Variants in SLC6A16 observed in about 807,000 individuals in gnomAD.
SLC6A16 encodes the protein solute carrier family 6 member 16, also known as orphan sodium- and chloride-dependent neurotransmitter transporter NTT5.
SLC6A16 carries 54 observed loss-of-function variants against 65.4 expected under a neutral mutation model. The observed-to-expected ratio is 0.83, with a 90% CI of 0.66 to 1.04. The LOEUF is 1.04. Among genes scored for constraint, SLC6A16 ranks in the 50% least tolerant of loss-of-function variants. The pLI is 0.00. For missense variants in SLC6A16, 816 were observed against 914.0 expected (o/e 0.89, Z 1.38); for synonymous variants, 330 against 346.5 (o/e 0.95, Z 0.53).
intron 1 of SLC6A16, among the ~76,000 whole-genome samples, chr19:49,313,053 A>G: frequency 7.4e-6 from 1 of 134,864 alleles, no homozygotes; most frequent in Admixed American, 7.9e-5. Context: ...ACTGCACTCC[A>G]GCCTGGGCAA....
At chr19:49,311,615 G>A (rs1332100906) in intron 1 of SLC6A16, among the ~76,000 whole-genome samples, 3 of 151,970 alleles carry the variant, frequency 2.0e-5, no homozygotes, top group Non-Finnish European at 4.4e-5. Context: ...TTGGGAGGCC[G>A]AGGAAGATGG....
intron 10 of SLC6A16, among the ~76,000 whole-genome samples, chr19:49,291,860 C>A (rs1970085227): frequency 6.6e-6 from 1 of 152,134 alleles, no homozygotes; most frequent in Non-Finnish European, 1.5e-5. Context: ...CCTTCCCCAA[C>A]TCTCCAGTCT....
At chr19:49,340,161 C>T in the SLC6A16 span, 1 of 1,516,024 alleles carries the variant, frequency 6.6e-7, no homozygotes. Flanking sequence ...ATTCACGGCC[C>T]CACCCCTGAC....
chr19:49,319,513 G>A (rs921212260), intron 1 of SLC6A16, among the ~76,000 whole-genome samples: 88 of 150,010 alleles, frequency 5.9e-4, no homozygotes, highest in Non-Finnish European at 1.1e-3. Context: ...GTGTATATGT[G>A]TATATGTATA....
chr19:49,329,178 C>T (rs975636772), upstream of SLC6A16, among the ~76,000 whole-genome samples: 13 of 151,766 alleles, frequency 8.6e-5, no homozygotes, highest in Admixed American at 1.3e-4. Flanking sequence ...CCACAACCTC[C>T]GCCTCCCAGG....
In SLC6A16 at chr19:49,290,224, G is replaced by A; in HGVS notation, c.2110C>T (p.Pro704Ser). Residue 704 changes from proline (P) to serine (S), a missense_variant, in exon 12 of 12, where the codon CCC (proline) becomes TCC (serine). Transcript: ENST00000335875. ...CTGGGTGTTAGCTGGTGACTTAGGG[G>A]TAGGGATGTGGAGGCTGTCATAGGC... ...DGPMTASTSL[P>S]LSHQLTPSKE... 1.2e-6 allele frequency: 2 copies of A among 1,614,172 alleles called. No homozygotes were observed. Among genetic ancestry groups the A allele is most frequent in the Non-Finnish European group, 1.7e-6 (2 of 1,180,028 alleles).
At chr19:49,295,085 C>G (rs780264677) in intron 7 of SLC6A16, among the ~76,000 whole-genome samples, 1 of 152,102 alleles carries the variant, frequency 6.6e-6, no homozygotes, top group Non-Finnish European at 1.5e-5. Flanking sequence ...CAGGGCCCAT[C>G]ATACCCCATC....
At chr19:49,296,342 G>A (rs1970185786) in intron 7 of SLC6A16, among the ~76,000 whole-genome samples, 1 of 152,064 alleles carries the variant, frequency 6.6e-6, no homozygotes, top group Non-Finnish European at 1.5e-5. Context: ...TAGTCAAAAC[G>A]ATTTTGGAAA....
At chr19:49,308,270 G>C (rs1380667224) in intron 7 of SLC6A16, among the ~76,000 whole-genome samples, 1 of 152,090 alleles carries the variant, frequency 6.6e-6, no homozygotes, top group African/African-American at 2.4e-5. Flanking sequence ...GGCTAACATG[G>C]TGAAACCCTG....
intron 1 of SLC6A16, chr19:49,312,536 C>T (rs1308581013): frequency 1.0e-6 from 1 of 984,452 alleles, no homozygotes; most frequent in Admixed American, 6.2e-5. Flanking sequence ...CTATTCTCCT[C>T]CTTATTCTCC....
chr19:49,294,712 G>A (rs1970152676), intron 7 of SLC6A16, among the ~76,000 whole-genome samples, 159 bp from the exon 8 acceptor site: 1 of 152,122 alleles, frequency 6.6e-6, no homozygotes, highest in African/African-American at 2.4e-5. Flanking sequence ...CCCGCCTTCA[G>A]GGACGTGAAT....
chr19:49,320,323 G>T (rs952176005), intron 1 of SLC6A16, among the ~76,000 whole-genome samples: 1 of 151,510 alleles, frequency 6.6e-6, no homozygotes, highest in South Asian at 2.1e-4. Flanking sequence ...CAGGAGAATC[G>T]CTTGAACCTA....
intron 1 of SLC6A16, chr19:49,312,513 C>G (rs1970541577): frequency 1.0e-6 from 1 of 976,194 alleles, no homozygotes; most frequent in South Asian, 4.7e-5. Flanking sequence ...GGTGTTCTAC[C>G]TCACATCTAG....
At chr19:49,294,626 A>G in intron 7 of SLC6A16, 73 bp from the exon 8 acceptor site, 1 of 1,318,466 alleles carries the variant, frequency 7.6e-7, no homozygotes, top group East Asian at 2.4e-5. Context: ...CCTTATCTTC[A>G]AGATAAAAAA....
chr19:49,296,693 A>G (rs562168126), intron 7 of SLC6A16, among the ~76,000 whole-genome samples: 48 of 152,300 alleles, frequency 3.2e-4, no homozygotes, highest in Non-Finnish European at 4.4e-4. Flanking sequence ...CAGGAGAAAA[A>G]TCTTTGCAAT....
At chr19:49,338,611 A>G in the SLC6A16 span, 40 of 944,446 alleles carry the variant, frequency 4.2e-5, no homozygotes, top group Non-Finnish European at 5.6e-5. The surrounding 1 kb of genome is among the most constrained non-coding windows in gnomAD (Gnocchi z 5.0). Context: ...CTGCTCCCCG[A>G]CCTGACCTCA....
At position 49,310,348 on chromosome 19, in the gene SLC6A16, CT is replaced by C. The variant is rs779379688; in HGVS notation, c.573+4del. 6.2e-7 allele frequency: 1 copy of C among 1,613,858 alleles called. No individual in the cohort carries two copies. Among genetic ancestry groups the C allele is most frequent in the Non-Finnish European group, 8.5e-7 (1 of 1,179,886 alleles). The stretch of plus-strand genomic sequence containing the variant: ...GTCAGGCCTGGGCAGCCATGGGCTC[CT>C]CACCATGAAGCTAGAATACCCCACA... On this transcript the variant is annotated splice_donor_region_variant and intron_variant, in intron 3 of 11. Coordinates refer to ENST00000335875, the MANE Select transcript of SLC6A16 (RefSeq NM_014037.3).
chr19:49,309,355 C>T lies in SLC6A16; in HGVS notation c.933G>A (p.Arg311=). ...ATTTTGCCCCTTCCAGGAGTAGAGTCCGGATGAAGAAACCGACAATGATGA... is the reference window on the plus strand; with the variant it reads ...ATTTTGCCCCTTCCAGGAGTAGAGTTCGGATGAAGAAACCGACAATGATGA... The part of the protein sequence containing the change: ...PCFIIVGFFI[R]TLLLEGAKFG... Residue 311 remains arginine, a synonymous_variant, in exon 6 of 12, where the codon CGG becomes CGA. Transcript: ENST00000335875. 11 of 1,614,076 alleles carry T rather than the reference C, an allele frequency of 6.8e-6. No homozygotes were observed. Among genetic ancestry groups the T allele is most frequent in the Non-Finnish European group, 9.3e-6 (11 of 1,180,022 alleles).
chr19:49,335,369 G>A, the SLC6A16 span: 1 of 625,858 alleles, frequency 1.6e-6, no homozygotes, highest in Admixed American at 2.8e-5. The surrounding 1 kb of genome is among the most constrained non-coding windows in gnomAD (Gnocchi z 4.6). Context: ...CACCTTACAT[G>A]AAGCGGGAGT....
Sources: gnomAD v4.1 joint callset for allele counts (sites outside exome capture counted in the v4.1 genomes callset) on GRCh38, gnomAD v4.1.1 for gene constraint, Gnocchi (gnomAD v3.1) non-coding constraint, MANE v1.5 for transcripts, NCBI Gene and HGNC (gene_info 2026-07-23, HGNC 2026-07-21) for gene names.